CSMD1: variants seen among roughly 807,000 people sequenced by gnomAD.
CSMD1 encodes CUB and Sushi multiple domains 1.
In CSMD1, 213 loss-of-function variants were observed where a neutral mutation model predicts 417.5. That is an observed-to-expected ratio of 0.51 (90% CI 0.46 to 0.57). The LOEUF (loss-of-function observed/expected upper bound fraction) is 0.57, where lower values mean the gene tolerates loss of function less well. Among genes scored for constraint, CSMD1 ranks in the 20% least tolerant of loss-of-function variants. The pLI, the probability that CSMD1 is intolerant of heterozygous loss-of-function variation, is 0.00. For missense variants in CSMD1, 6,923 were observed against 4,529.7 expected (o/e 1.53, Z -15.17); for synonymous variants, 2,862 against 1,736.8 (o/e 1.65, Z -16.11).
At chr8:3,584,913 G>A (rs964283324) in intron 9 of CSMD1, among the ~76,000 whole-genome samples, 4 of 152,112 alleles carry the variant, frequency 2.6e-5, no homozygotes, top group African/African-American at 7.2e-5. Flanking sequence ...AGTGCTTAAG[G>A]GTCTTATGTT....
intron 3 of CSMD1, among the ~76,000 whole-genome samples, chr8:4,408,296 G>A (rs1021303149): frequency 6.6e-6 from 1 of 152,166 alleles, no homozygotes; most frequent in African/African-American, 2.4e-5. Flanking sequence ...GAAAGAACCA[G>A]TGTCAAAAAC....
At chr8:4,146,082 T>C (rs921321145) in intron 3 of CSMD1, among the ~76,000 whole-genome samples, 3 of 150,922 alleles carry the variant, frequency 2.0e-5, no homozygotes, top group Admixed American at 6.6e-5. Flanking sequence ...CAATTGCATG[T>C]ATCTGCCTCC....
At chr8:3,354,870 T>C (rs1249591807) in intron 21 of CSMD1, among the ~76,000 whole-genome samples, 1 of 151,156 alleles carries the variant, frequency 6.6e-6, no homozygotes, top group Non-Finnish European at 1.5e-5. Flanking sequence ...TATATAGATA[T>C]ACATATATCT....
intron 10 of CSMD1, among the ~76,000 whole-genome samples, chr8:3,551,964 C>G (rs748957400): frequency 6.6e-5 from 10 of 152,074 alleles, no homozygotes; most frequent in Non-Finnish European, 1.2e-4. Flanking sequence ...ACTGTGGGAG[C>G]TGAGGACTGA....
intron 5 of CSMD1, among the ~76,000 whole-genome samples, chr8:3,907,462 T>C (rs973265701): frequency 6.6e-5 from 10 of 152,204 alleles, no homozygotes; most frequent in African/African-American, 2.4e-4. Context: ...AGGTACACTT[T>C]AAGGCAGTAT....
chr8:3,961,643 T>C (rs962559058), intron 5 of CSMD1, among the ~76,000 whole-genome samples: 3 of 152,182 alleles, frequency 2.0e-5, no homozygotes, highest in Admixed American at 1.3e-4. Flanking sequence ...TTATGTAACA[T>C]TCTTGATAAT....
chr8:4,018,840 T>C (rs554098117), intron 4 of CSMD1, among the ~76,000 whole-genome samples: 34 of 152,304 alleles, frequency 2.2e-4, no homozygotes, highest in African/African-American at 7.5e-4. Context: ...GTGAAGTCAC[T>C]GAATTCCTCT....
chr8:4,063,057 A>G (rs1225243571), intron 3 of CSMD1, among the ~76,000 whole-genome samples: 1 of 152,182 alleles, frequency 6.6e-6, no homozygotes, highest in Non-Finnish European at 1.5e-5. Context: ...ATAGGGATAA[A>G]TATATGAGAG....
intron 40 of CSMD1, among the ~76,000 whole-genome samples, chr8:3,148,331 T>C (rs1818975466): frequency 6.6e-6 from 1 of 152,216 alleles, no homozygotes; most frequent in South Asian, 2.1e-4. Flanking sequence ...TGATCTGATA[T>C]TTTCTTATGA....
intron 5 of CSMD1, among the ~76,000 whole-genome samples, chr8:3,772,356 T>TATATATACATATATACATATATAC (rs200877717): frequency 2.3e-5 from 2 of 87,180 alleles, no homozygotes; most frequent in Non-Finnish European, 5.3e-5. Flanking sequence ...TACATATATT[T>TATATATACATATATACATATATAC]ATATATACAT....
chr8:4,047,015 T>C (rs533534142), intron 3 of CSMD1, among the ~76,000 whole-genome samples: 3 of 152,162 alleles, frequency 2.0e-5, no homozygotes, highest in Non-Finnish European at 4.4e-5. Context: ...CTTAGCCCTA[T>C]AGGGTTGTGA....
intron 8 of CSMD1, among the ~76,000 whole-genome samples, chr8:3,604,394 A>G (rs1182063846): frequency 6.6e-6 from 1 of 152,044 alleles, no homozygotes; most frequent in African/African-American, 2.4e-5. Flanking sequence ...TAAGATCTGG[A>G]TTTTCTCTGG....
chr8:3,479,148 C>G (rs1817593992), intron 11 of CSMD1, among the ~76,000 whole-genome samples: 1 of 152,114 alleles, frequency 6.6e-6, no homozygotes, highest in Non-Finnish European at 1.5e-5. Context: ...CTCCAATAGT[C>G]AAATTATCAT....
chr8:3,644,966 G>GA (rs71203456), intron 7 of CSMD1, among the ~76,000 whole-genome samples: 9,688 of 64,340 alleles, frequency 0.15, 888 homozygotes, highest in South Asian at 0.18. Context: ...GGCTTTAAAT[G>GA]AAAAAAAAAA....
intron 3 of CSMD1, among the ~76,000 whole-genome samples, chr8:4,103,309 C>G (rs949377081): frequency 6.0e-5 from 9 of 151,092 alleles, no homozygotes; most frequent in Non-Finnish European, 1.2e-4. Flanking sequence ...TGCATATACA[C>G]ACAGTGATCA....
chr8:4,938,026 A>G (rs1807741133), intron 1 of CSMD1, among the ~76,000 whole-genome samples: 1 of 152,178 alleles, frequency 6.6e-6, no homozygotes, highest in Admixed American at 6.6e-5. Context: ...TGTACTCAAA[A>G]ATAGTTAGAA....
chr8:4,947,781 T>C (rs1209279466), intron 1 of CSMD1, among the ~76,000 whole-genome samples: 3 of 152,118 alleles, frequency 2.0e-5, no homozygotes, highest in African/African-American at 7.2e-5. Flanking sequence ...ATTTGCATTT[T>C]TTCAAACAAA....
intron 6 of CSMD1, among the ~76,000 whole-genome samples, chr8:3,719,652 T>A (rs989625444): frequency 1.2e-4 from 19 of 152,030 alleles, no homozygotes; most frequent in African/African-American, 4.6e-4. Context: ...GGTAGGGCGG[T>A]CAGATGAGCT....
intron 3 of CSMD1, among the ~76,000 whole-genome samples, chr8:4,264,728 G>A (rs566916285): frequency 6.6e-6 from 1 of 152,198 alleles, no homozygotes; most frequent in South Asian, 2.1e-4. Flanking sequence ...AACTGCCCAG[G>A]GGTAGGGAAC....
Sources: allele counts gnomAD v4.1 joint callset (sites outside exome capture counted in the v4.1 genomes callset), GRCh38; gene constraint gnomAD v4.1.1; transcripts MANE v1.5; gene names NCBI Gene and HGNC (gene_info 2026-07-23, HGNC 2026-07-21).